The following CCN5 variants were observed in gnomAD, a reference collection of about 807,000 sequenced individuals.
The protein encoded by CCN5 is CCN family member 5.
Under a neutral mutation model 18.7 loss-of-function variants are expected in CCN5, and 17 were observed. That is an observed-to-expected ratio of 0.91 (90% CI 0.62 to 1.36). The LOEUF (loss-of-function observed/expected upper bound fraction) is 1.36. Ranked by LOEUF, CCN5 falls within the 40% of genes most tolerant of loss-of-function variation. CCN5 has a pLI of 0.00. For synonymous variants in CCN5, 135 were observed against 145.2 expected, an observed-to-expected ratio of 0.93 and a Z score of 0.50; for missense variants, 367 against 342.9, an observed-to-expected ratio of 1.07 and a Z score of -0.56.
At chr20:44,718,541 G>A (rs959574785) in intron 1 of CCN5, among the ~76,000 whole-genome samples, 5 of 152,154 alleles carry the variant, frequency 3.3e-5, no homozygotes, top group Middle Eastern at 3.2e-3. Context: ...GGGAGCTCAC[G>A]GCACCTGCTG....
chr20:44,724,451 C>A (rs1268072716), intron 2 of CCN5: 7 of 485,948 alleles, frequency 1.4e-5, no homozygotes, highest in African/African-American at 1.4e-4. Context: ...AATGTGGAAA[C>A]TGAGGCAAGA....
At chr20:44,726,361 T>C (rs2065936131) in intron 3 of CCN5, among the ~76,000 whole-genome samples, 1 of 152,164 alleles carries the variant, frequency 6.6e-6, no homozygotes, top group Admixed American at 6.5e-5. Flanking sequence ...CACATACACA[T>C]GCATACACAG....
chr20:44,724,998 C>A lies in CCN5; in HGVS notation c.532+6C>A. 6.4e-7 allele frequency: 1 copy of A among 1,564,654 alleles called. No homozygotes were observed. Among genetic ancestry groups the A allele is most frequent in the Non-Finnish European group, 8.6e-7 (1 of 1,156,670 alleles). ...CCAGCCCCTTCCAGCCCAAGGTGAG[C>A]GCAGCGGTGGTCCAGGTCAGGGCAG... On this transcript the variant is annotated splice_donor_region_variant and intron_variant, in intron 3 of 3. Transcript: ENST00000190983.
At chr20:44,715,994 G>C (rs192789910) in intron 1 of CCN5, among the ~76,000 whole-genome samples, 1 of 152,172 alleles carries the variant, frequency 6.6e-6, no homozygotes, top group Non-Finnish European at 1.5e-5. Context: ...ATGCTGCATG[G>C]GACATTCACC....
At chr20:44,724,701 G>C (rs1201357321) in intron 2 of CCN5, 37 bp from the exon 3 acceptor site, 1 of 1,610,210 alleles carries the variant, frequency 6.2e-7, no homozygotes, top group Non-Finnish European at 8.5e-7. Flanking sequence ...GTGCCGCTTT[G>C]CGGGTCACCG....
Position 44,721,404 on chromosome 20 carries a change from T to C in CCN5, c.277+1291T>C, listed in dbSNP as rs1449885683. The C allele has an allele frequency of 2.7e-5, 4 of 149,778 alleles. No individual in the cohort carries two copies. In the East Asian group the frequency reaches 7.8e-4, roughly 29 times the overall value. The allele number at this position is 149,778 out of a possible 1,614,324, so 9.3% of individuals were successfully genotyped here. ...GCACATGCCTGTGGTCCCAGCTACT[T>C]GAGAGGCTGAGGTGAGAGGCTCGCT... On this transcript the variant is annotated intron_variant, in intron 2 of 3. Coordinates refer to ENST00000190983, the MANE Select transcript of CCN5 (RefSeq NM_003881.4).
At position 44,724,779 on chromosome 20, in the gene CCN5, T is replaced by C; in HGVS notation, c.319T>C (p.Tyr107His). ...DSSCEVNGRLYREGETFQPHC... is the reference protein window; with the variant it reads ...DSSCEVNGRLHREGETFQPHC... ...CAGCTGTGAGGTGAACGGCCGCCTG[T>C]ATCGGGAAGGGGAGACCTTCCAGCC... The change falls in exon 3 of 4, where the codon TAT becomes CAT. Residue 107 changes from tyrosine to histidine, a missense_variant. By Grantham distance (83) the Tyr-to-His change is moderately conservative. Transcript: ENST00000190983. 6.2e-7 allele frequency: 1 copy of C among 1,612,836 alleles called. No homozygotes were observed.
chr20:44,720,225 C>A, intron 2 of CCN5, 112 bp downstream of exon 2: 1 of 1,138,752 alleles, frequency 8.8e-7, no homozygotes, highest in Non-Finnish European at 1.2e-6. Flanking sequence ...GTGCTCACTT[C>A]AGGTATCCCA....
intron 2 of CCN5, 40 bp from the exon 3 acceptor site, chr20:44,724,698 T>C (rs1266607309): frequency 6.2e-7 from 1 of 1,610,126 alleles, no homozygotes; most frequent in Non-Finnish European, 8.5e-7. Context: ...GCTGTGCCGC[T>C]TTGCGGGTCA....
At chr20:44,715,360 T>C (rs1324629829), upstream of CCN5, 1 of 1,585,092 alleles carries the variant, frequency 6.3e-7, no homozygotes. Context: ...CAGGTCCGCC[T>C]CCCAGGCTCA....
chr20:44,723,289 C>G (rs533592917), intron 2 of CCN5, among the ~76,000 whole-genome samples: 12 of 150,996 alleles, frequency 7.9e-5, no homozygotes, highest in South Asian at 2.1e-4. Context: ...TTGCCCCAAG[C>G]CTGGCACATA....
upstream of CCN5, chr20:44,715,003 C>T: frequency 4.5e-6 from 1 of 223,706 alleles, no homozygotes; most frequent in South Asian, 6.5e-5. Flanking sequence ...AGGGCTAGGA[C>T]CCTCTTGGGC....
Position 44,720,019 on chromosome 20 carries a change from G to A in CCN5, c.183G>A (p.Gly61=), listed in dbSNP as rs759989705. 4 of 1,607,024 alleles carry A rather than the reference G, an allele frequency of 2.5e-6. No individual in the cohort carries two copies. The highest frequency in any genetic ancestry group is 2.7e-5 in the African/African-American group (2 of 74,890). The part of the protein sequence containing the change: ...GCCRVCARRL[G]EPCDQLHVCD... ...GCCGGGTATGTGCACGGCGGCTGGGGGAGCCCTGCGACCAACTCCACGTCT... is the reference window on the plus strand; with the variant it reads ...GCCGGGTATGTGCACGGCGGCTGGGAGAGCCCTGCGACCAACTCCACGTCT... Residue 61 remains glycine, a synonymous_variant, in exon 2 of 4, where the codon GGG becomes GGA. Coordinates refer to ENST00000190983, the MANE Select transcript of CCN5 (RefSeq NM_003881.4).
At position 44,722,633 on chromosome 20, in the gene CCN5, ATTT is replaced by A. The variant is rs377493817; in HGVS notation, c.278-2102_278-2100del. Among the ~76,000 whole-genome samples, 17 of 151,766 alleles carry A rather than the reference ATTT, an allele frequency of 1.1e-4. No individual in the cohort carries two copies. In the South Asian group the frequency reaches 3.5e-3, roughly 32 times the overall value. On this transcript the variant is annotated intron_variant, in intron 2 of 3. Transcript: ENST00000190983. Reference sequence around the variant, plus strand: ...AGACACATACCACCATGCCTCGCTAATTTTTGTATTTTAGTATTTCAGTAGAGA... The same window carrying A: ...AGACACATACCACCATGCCTCGCTAATTGTATTTTAGTATTTCAGTAGAGA...
chr20:44,723,177 G>A (rs566557069), intron 2 of CCN5, among the ~76,000 whole-genome samples: 71 of 152,136 alleles, frequency 4.7e-4, no homozygotes, highest in Non-Finnish European at 9.3e-4. Flanking sequence ...AGGCACACTC[G>A]TGCCTCAGGG....
chr20:44,715,533 C>A, intron 1 of CCN5, 83 bp downstream of exon 1: 4 of 1,441,104 alleles, frequency 2.8e-6, no homozygotes, highest in Non-Finnish European at 3.8e-6. Context: ...GCCAAGGACC[C>A]CCTTGGCAGA....
intron 3 of CCN5, among the ~76,000 whole-genome samples, chr20:44,726,153 C>T (rs2065934900): frequency 2.0e-5 from 3 of 152,172 alleles, no homozygotes; most frequent in Non-Finnish European, 2.9e-5. Context: ...TCAAGTTAAG[C>T]AGCTGTAGCA....
At chr20:44,718,251 C>T (rs941150790) in intron 1 of CCN5, among the ~76,000 whole-genome samples, 6 of 152,128 alleles carry the variant, frequency 3.9e-5, no homozygotes, top group African/African-American at 9.7e-5. Context: ...TGGGAGTTGC[C>T]GGGAACTGAA....
Position 44,724,980 on chromosome 20 carries a change from C to T in CCN5, c.520C>T (p.Leu174Phe). ...GQGGGLGTQP[L>F]PAQGPQFSGL... ...AGGAGGGGGACTGGGGACCCAGCCC[C>T]TTCCAGCCCAAGGTGAGCGCAGCGG... is the stretch of plus-strand genomic sequence containing the variant. The change falls in exon 3 of 4, where the codon CTT becomes TTT. Residue 174 changes from leucine (L) to phenylalanine (F), a missense_variant. Leu to Phe is a conservative substitution (Grantham distance 22). Coordinates refer to ENST00000190983, the MANE Select transcript of CCN5 (RefSeq NM_003881.4). The T allele has an allele frequency of 1.3e-6, 2 of 1,585,572 alleles. No individual in the cohort carries two copies. Among genetic ancestry groups the T allele is most frequent in the Non-Finnish European group, 1.7e-6 (2 of 1,166,832 alleles).
Sources: gnomAD v4.1 joint callset for allele counts (sites outside exome capture counted in the v4.1 genomes callset) on GRCh38, gnomAD v4.1.1 for gene constraint, MANE v1.5 for transcripts, NCBI Gene and HGNC (gene_info 2026-07-23, HGNC 2026-07-21) for gene names.